NKPD1: variants seen among roughly 807,000 people sequenced by gnomAD.
NKPD1 encodes the protein NTPase KAP family P-loop domain-containing protein 1.
NKPD1 carries 37 observed loss-of-function variants against 42.2 expected under a neutral mutation model. The ratio of observed to expected loss-of-function variants is 0.88; its 90% CI spans 0.67 to 1.15. The LOEUF (loss-of-function observed/expected upper bound fraction) is 1.15, where lower values mean the gene tolerates loss of function less well. NKPD1 is among the 50% of genes most tolerant of loss of function. NKPD1 has a pLI of 0.00. For synonymous variants in NKPD1, 552 were observed against 536.5 expected (o/e 1.03, Z -0.40); for missense variants, 1,113 against 1,174.6 (o/e 0.95, Z 0.77).
At chr19:45,162,831 G>A (rs1969035574), upstream of NKPD1, 2 of 213,656 alleles carry the variant, frequency 9.4e-6, no homozygotes. Context: ...CGTGGCAGGG[G>A]AGGGAAGGTC....
At position 45,151,772 on chromosome 19, in the gene NKPD1, G is replaced by A. The variant is rs1047573094; in HGVS notation, c.*166C>T. 1.1e-5 allele frequency: 7 copies of A among 656,508 alleles called. No homozygotes were observed. In the East Asian group the frequency reaches 1.9e-4, roughly 18 times the overall value. The allele number at this position is 656,508 out of a possible 1,614,324, so 40.7% of individuals were successfully genotyped here. Reference sequence around the variant, plus strand: ...CTCATGCTGGCACCGGCTTGTGGCCGCACTCCTTGGAAGCTATGTCCACGG... The same window carrying A: ...CTCATGCTGGCACCGGCTTGTGGCCACACTCCTTGGAAGCTATGTCCACGG... On this transcript the variant is annotated 3_prime_UTR_variant, in exon 5 of 5. Coordinates refer to ENST00000686631, the MANE Select transcript of NKPD1 (RefSeq NM_198478.4).
chr19:45,161,589 C>T (rs951087889), upstream of NKPD1, among the ~76,000 whole-genome samples: 5 of 152,206 alleles, frequency 3.3e-5, no homozygotes, highest in East Asian at 3.9e-4. Context: ...GTGAAGTCCT[C>T]GGCCCCAGGG....
Position 45,153,027 on chromosome 19 carries a change from C to A in NKPD1, c.1410G>T (p.Val470=). 2 of 1,584,088 alleles carry A rather than the reference C, an allele frequency of 1.3e-6. No individual in the cohort carries two copies. The highest frequency in any genetic ancestry group is 1.1e-5 in the South Asian group (1 of 87,538). ...GLDTCYPERV[V]GVLNAINTLL... ...GCGTGTTGATGGCGTTGAGCACGCC[C>A]ACCACGCGCTCCGGGTAGCACGTGT... is the stretch of plus-strand genomic sequence containing the variant. The change falls in exon 5 of 5, where the codon GTG becomes GTT. Residue 470 remains valine, a synonymous_variant. Coordinates refer to ENST00000686631, the MANE Select transcript of NKPD1 (RefSeq NM_198478.4).
chr19:45,160,408 C>T (rs534682417), intron 1 of NKPD1, among the ~76,000 whole-genome samples, 187 bp from the exon 2 acceptor site: 3 of 152,026 alleles, frequency 2.0e-5, no homozygotes, highest in Non-Finnish European at 2.9e-5. Flanking sequence ...CGGAGAACCG[C>T]TGGGGTTGGC....
At position 45,150,499 on chromosome 19, in the gene NKPD1, C is replaced by T. The variant is rs1483979261; in HGVS notation, c.*1439G>A. On this transcript the variant is annotated 3_prime_UTR_variant, in exon 5 of 5. Coordinates refer to ENST00000686631, the MANE Select transcript of NKPD1 (RefSeq NM_198478.4). ...AGGGAGGCTACAGGGATATATTGACCCCAACCACACATCTACAGAAACAGA... is the reference window on the plus strand; with the variant it reads ...AGGGAGGCTACAGGGATATATTGACTCCAACCACACATCTACAGAAACAGA... 1 of 152,136 alleles carries T rather than the reference C, an allele frequency of 6.6e-6. No homozygotes were observed. Among genetic ancestry groups the T allele is most frequent in the South Asian group, 2.1e-4 (1 of 4,824 alleles). 9.4% of individuals were successfully genotyped at this position (152,136 alleles called of 1,614,324 possible).
intron 4 of NKPD1, among the ~76,000 whole-genome samples, chr19:45,155,329 C>T (rs62118468): frequency 0.015 from 2,277 of 151,624 alleles, 26 homozygotes; most frequent in Non-Finnish European, 0.023. Context: ...AAAAAAAAAG[C>T]TGCTGGGGAA....
chr19:45,153,829 G>A (rs765312559), intron 4 of NKPD1, 54 bp from the exon 5 acceptor site: 79 of 1,405,730 alleles, frequency 5.6e-5, no homozygotes, highest in Non-Finnish European at 7.0e-5. Context: ...CGGGGTGGGC[G>A]GGGCCTAGTA....
Position 45,152,682 on chromosome 19 carries a change from C to A in NKPD1, c.1755G>T (p.Gly585=). 6.5e-7 allele frequency: 1 copy of A among 1,543,256 alleles called. No individual in the cohort carries two copies. Residue 585 remains glycine, a synonymous_variant, in exon 5 of 5, where the codon GGG becomes GGT. Coordinates refer to ENST00000686631, the MANE Select transcript of NKPD1 (RefSeq NM_198478.4). The stretch of plus-strand genomic sequence containing the variant: ...CCGCCTCGTCGTCGATGCGGCCCTG[C>A]CCGCGCTCCGTCCCCGCCTGCGCCT... ...AVQAQAGTER[G]QGRIDDEAAR...
chr19:45,151,743 T>C lies in NKPD1; in HGVS notation c.*195A>G. On this transcript the variant is annotated 3_prime_UTR_variant, in exon 5 of 5. Transcript: ENST00000686631. The stretch of plus-strand genomic sequence containing the variant: ...ACTTCCTCACTGGTCCTTCTGTGCC[T>C]GCTCTCATGCTGGCACCGGCTTGTG... The C allele has an allele frequency of 1.9e-6, 1 of 535,864 alleles. No individual in the cohort carries two copies. Among genetic ancestry groups the C allele is most frequent in the East Asian group, 3.2e-5 (1 of 31,212 alleles). The allele number at this position is 535,864 out of a possible 1,614,324, so 33.2% of individuals were successfully genotyped here. A position where few individuals can be genotyped will look rare whatever the true frequency, so the allele number is the denominator to read the frequency against.
In NKPD1 at chr19:45,152,855, A is replaced by G; in HGVS notation, c.1582T>C (p.Ser528Pro). The G allele has an allele frequency of 6.3e-7, 1 of 1,592,456 alleles. No individual in the cohort carries two copies. Among genetic ancestry groups the G allele is most frequent in the Non-Finnish European group, 8.6e-7 (1 of 1,166,716 alleles). Reference protein sequence around the residue: ...FLNRTVTLPFSVPIMGRRTKL... With the variant: ...FLNRTVTLPFPVPIMGRRTKL... ...GTGCGGCGGCCCATAATGGGCACAGAGAAGGGCAGCGTGACAGTGCGGTTG... is the reference window on the plus strand; with the variant it reads ...GTGCGGCGGCCCATAATGGGCACAGGGAAGGGCAGCGTGACAGTGCGGTTG... The change falls in exon 5 of 5, where the codon TCT (serine) becomes CCT (proline). Residue 528 changes from serine (S) to proline (P), a missense_variant. Physicochemically the swap from Ser to Pro is moderately conservative, Grantham distance 74. Coordinates refer to ENST00000686631, the MANE Select transcript of NKPD1 (RefSeq NM_198478.4).
chr19:45,157,453 C>T lies in NKPD1; in HGVS notation c.529+1210G>A, dbSNP rs941998961. The stretch of plus-strand genomic sequence containing the variant: ...TCGAGGCAAGGTCTTGCTCTGTCAC[C>T]CAGGCTGGAGTGCAGCGGCACAATT... On this transcript the variant is annotated intron_variant, in intron 3 of 4. Coordinates refer to ENST00000686631, the MANE Select transcript of NKPD1 (RefSeq NM_198478.4). 2.6e-5 allele frequency among the ~76,000 whole-genome samples: 4 copies of T among 152,318 alleles called. No individual in the cohort carries two copies. In the East Asian group the frequency reaches 7.7e-4, roughly 29 times the overall value.
In NKPD1 at chr19:45,152,509, CCCT is replaced by C. The variant is rs1207540166; in HGVS notation, c.1925_1927del (p.Gln642_Gly643delinsArg). The C allele has an allele frequency of 6.4e-7, 1 of 1,568,664 alleles. No individual in the cohort carries two copies. The highest frequency in any genetic ancestry group is 1.8e-5 in the Admixed American group (1 of 55,766). ...GCGCGGCGTGGGGCCCCCAAAGTCC[CCCT>C]GCTGCTGCTGCTGCTGCAGCAGGCG... On this transcript the variant is annotated inframe_deletion, in exon 5 of 5. Coordinates refer to ENST00000686631, the MANE Select transcript of NKPD1 (RefSeq NM_198478.4).
Position 45,152,283 on chromosome 19 carries a change from G to A in NKPD1, c.2154C>T (p.Pro718=). The change falls in exon 5 of 5, where the codon CCC becomes CCT. Residue 718 remains proline (P), a synonymous_variant. Coordinates refer to ENST00000686631, the MANE Select transcript of NKPD1 (RefSeq NM_198478.4). The part of the protein sequence containing the change: ...LQNVLDLDGD[P]ELFERFLGAD... The stretch of plus-strand genomic sequence containing the variant: ...CGCCCAGGAAGCGCTCGAAGAGCTC[G>A]GGGTCGCCGTCCAGGTCGAGCACGT... 1.2e-6 allele frequency: 2 copies of A among 1,610,350 alleles called. No individual in the cohort carries two copies. The highest frequency in any genetic ancestry group is 1.3e-5 in the African/African-American group (1 of 75,022).
In NKPD1 at chr19:45,152,510, C is replaced by CCTG. The variant is rs200529734; in HGVS notation, c.1924_1926dup (p.Gln642dup). 1.4e-3 allele frequency: 2,168 copies of CCTG among 1,568,280 alleles called. 11 individuals carry two copies. The African/African-American group carries it at 0.023, about 17-fold the overall frequency. The stretch of plus-strand genomic sequence containing the variant: ...CGCGGCGTGGGGCCCCCAAAGTCCC[C>CCTG]CTGCTGCTGCTGCTGCTGCAGCAGG... On this transcript the variant is annotated inframe_insertion, in exon 5 of 5. Transcript: ENST00000686631.
chr19:45,159,768 T>G (rs1968972466), intron 2 of NKPD1, among the ~76,000 whole-genome samples: 1 of 152,162 alleles, frequency 6.6e-6, no homozygotes, highest in African/African-American at 2.4e-5. Flanking sequence ...CCCAGCACAC[T>G]GCTCCCCTCC....
rs1968785913 is a variant in NKPD1, at chr19:45,151,983, G to A, written c.2454C>T (p.Ala818=). 1.2e-6 allele frequency: 2 copies of A among 1,604,692 alleles called. No individual in the cohort carries two copies. The highest frequency in any genetic ancestry group is 1.7e-6 in the Non-Finnish European group (2 of 1,174,516). Residue 818 remains alanine (A), a synonymous_variant, in exon 5 of 5, where the codon GCC becomes GCT. Coordinates refer to ENST00000686631, the MANE Select transcript of NKPD1 (RefSeq NM_198478.4). ...LAHRGKLWPV[A]CALFRPGQSS... ...ATTGCCCTGGACGGAAGAGCGCACA[G>A]GCCACCGGCCATAGCTTGCCCCTGT...
Position 45,158,822 on chromosome 19 carries a change from G to A in NKPD1, c.370C>T (p.Pro124Ser), listed in dbSNP as rs1259294269. 2.3e-6 allele frequency: 3 copies of A among 1,276,620 alleles called. No individual in the cohort carries two copies. Among genetic ancestry groups the A allele is most frequent in the Non-Finnish European group, 3.1e-6 (3 of 975,524 alleles). The allele number at this position is 1,276,620 out of a possible 1,614,324, so 79.1% of individuals were successfully genotyped here. Residue 124 changes from proline (P) to serine (S), a missense_variant, in exon 3 of 5, where the codon CCT (proline) becomes TCT (serine). Transcript: ENST00000686631. This position sits in a 1 kb window ranked among gnomAD's most constrained non-coding sequence, Gnocchi z 4.6. ...STVPKEPASAPQAPTLPTTAP... is the reference protein window; with the variant it reads ...STVPKEPASASQAPTLPTTAP... Reference sequence around the variant, plus strand: ...GTGGTGGGTAAGGTGGGCGCCTGAGGGGCGCTGGCAGGTTCCTTGGGGACA... The same window carrying A: ...GTGGTGGGTAAGGTGGGCGCCTGAGAGGCGCTGGCAGGTTCCTTGGGGACA...
Position 45,153,100 on chromosome 19 carries a change from A to G in NKPD1, c.1337T>C (p.Ile446Thr), listed in dbSNP as rs774597526. Residue 446 changes from isoleucine (I) to threonine (T), a missense_variant, in exon 5 of 5, where the codon ATC becomes ACC. Physicochemically the swap from Ile to Thr is moderately conservative, Grantham distance 89. Transcript: ENST00000686631. ...LLTDFLCFLE[I>T]YQRRRLRVVL... Reference sequence around the variant, plus strand: ...CACGCGCAGCCTGCGCCGCTGGTAGATCTCCAGGAAGCACAGGAAGTCGGT... The same window carrying G: ...CACGCGCAGCCTGCGCCGCTGGTAGGTCTCCAGGAAGCACAGGAAGTCGGT... 17 of 1,575,512 alleles carry G rather than the reference A, an allele frequency of 1.1e-5. No individual in the cohort carries two copies. The South Asian group carries it at 2.0e-4, about 18-fold the overall frequency.
rs772480740 is a variant in NKPD1 at position 45,152,269 on chromosome 19, C to G, written c.2168G>C (p.Arg723Pro). The change falls in exon 5 of 5, where the codon CGC becomes CCC. Residue 723 changes from arginine (R) to proline (P), a missense_variant. Transcript: ENST00000686631. ...DLDGDPELFERFLGADFPFTV... is the reference protein window; with the variant it reads ...DLDGDPELFEPFLGADFPFTV... The stretch of plus-strand genomic sequence containing the variant: ...GAAGGGGAAGTCGGCGCCCAGGAAG[C>G]GCTCGAAGAGCTCGGGGTCGCCGTC... The G allele has an allele frequency of 1.2e-6, 2 of 1,609,828 alleles. No individual in the cohort carries two copies. The highest frequency in any genetic ancestry group is 3.3e-5 in the Admixed American group (2 of 59,774).
Sources: allele counts gnomAD v4.1 joint callset (sites outside exome capture counted in the v4.1 genomes callset), GRCh38; gene constraint gnomAD v4.1.1; non-coding constraint Gnocchi (gnomAD v3.1); transcripts MANE v1.5; gene names NCBI Gene and HGNC (gene_info 2026-07-23, HGNC 2026-07-21).